Variants in PDE3B observed in about 807,000 individuals in gnomAD.
PDE3B encodes the protein cGMP-inhibited 3',5'-cyclic phosphodiesterase 3B.
In PDE3B, 66 loss-of-function variants were observed where a neutral mutation model predicts 116.8. That is an observed-to-expected ratio of 0.56 (90% CI 0.46 to 0.69). The LOEUF (loss-of-function observed/expected upper bound fraction) is 0.69, where lower values mean the gene tolerates loss of function less well. PDE3B is among the 30% of genes least tolerant of loss of function. The probability of loss-of-function intolerance (pLI) is 0.00; values close to 1 mark genes in which losing one functional copy is unlikely to be tolerated. For missense variants in PDE3B, 1,384 were observed against 1,368.1 expected (o/e 1.01, Z -0.18); for synonymous variants, 595 against 533.6 (o/e 1.12, Z -1.59).
intron 1 of PDE3B, among the ~76,000 whole-genome samples, chr11:14,744,003 T>G (rs762519803): frequency 5.9e-5 from 9 of 152,240 alleles, no homozygotes; most frequent in Non-Finnish European, 1.2e-4. Context: ...GCTGTTGCTA[T>G]TCGACCATCT....
intron 1 of PDE3B, among the ~76,000 whole-genome samples, chr11:14,709,821 T>C (rs1855648536): frequency 6.6e-6 from 1 of 152,232 alleles, no homozygotes; most frequent in Non-Finnish European, 1.5e-5. Context: ...TTTTCAGTTA[T>C]ATATGAAAAT....
intron 12 of PDE3B, among the ~76,000 whole-genome samples, chr11:14,856,868 A>G (rs1362960786): frequency 3.3e-5 from 5 of 151,904 alleles, no homozygotes; most frequent in Admixed American, 2.6e-4. Flanking sequence ...AAAAAAAAAA[A>G]AGTGCCTTCT....
intron 1 of PDE3B, among the ~76,000 whole-genome samples, chr11:14,678,263 T>G (rs1854592010): frequency 6.6e-6 from 1 of 152,200 alleles, no homozygotes; most frequent in African/African-American, 2.4e-5. Flanking sequence ...AGGTTTTTTT[T>G]TTCTAGTTGT....
chr11:14,724,072 T>G (rs1856206853), intron 1 of PDE3B, among the ~76,000 whole-genome samples: 1 of 152,182 alleles, frequency 6.6e-6, no homozygotes, highest in African/African-American at 2.4e-5. Flanking sequence ...GGGAGACTCT[T>G]AGGAAGCTGT....
At chr11:14,819,258 C>G in intron 7 of PDE3B, 49 bp downstream of exon 7, 1 of 1,103,630 alleles carries the variant, frequency 9.1e-7, no homozygotes, top group South Asian at 1.4e-5. Flanking sequence ...AAATTTCTTA[C>G]AATGATTTTT....
intron 2 of PDE3B, among the ~76,000 whole-genome samples, chr11:14,776,873 C>G (rs1857803298): frequency 1.3e-5 from 2 of 151,924 alleles, no homozygotes; most frequent in South Asian, 4.2e-4. Flanking sequence ...AATCACCCAT[C>G]ATACCAAAAC....
chr11:14,810,575 C>T (rs1590164351), intron 5 of PDE3B, among the ~76,000 whole-genome samples: 3 of 151,806 alleles, frequency 2.0e-5, no homozygotes, highest in Non-Finnish European at 4.4e-5. Context: ...CATTGTTGGA[C>T]ATTTGGGTCG....
At chr11:14,712,606 C>T (rs939283230) in intron 1 of PDE3B, among the ~76,000 whole-genome samples, 3 of 150,770 alleles carry the variant, frequency 2.0e-5, no homozygotes, top group Non-Finnish European at 2.9e-5. Flanking sequence ...TCCCGAGTAG[C>T]TCGGCTTACA....
At chr11:14,665,701 A>T (rs921266465) in intron 1 of PDE3B, among the ~76,000 whole-genome samples, 2 of 152,242 alleles carry the variant, frequency 1.3e-5, no homozygotes, top group Non-Finnish European at 2.9e-5. Context: ...CCTGGAATAA[A>T]ATACCTAGGA....
At chr11:14,765,165 A>C (rs1040791053) in intron 1 of PDE3B, among the ~76,000 whole-genome samples, 3 of 152,072 alleles carry the variant, frequency 2.0e-5, no homozygotes, top group Non-Finnish European at 4.4e-5. Context: ...GTAAAATGTC[A>C]TCAAGAAATG....
chr11:14,800,409 G>T (rs1019791620), intron 4 of PDE3B, among the ~76,000 whole-genome samples: 5 of 152,100 alleles, frequency 3.3e-5, no homozygotes, highest in African/African-American at 1.2e-4. Flanking sequence ...AGGTGGCAGT[G>T]AGCTGAGATT....
At chr11:14,715,544 T>TAA (rs1414838375) in intron 1 of PDE3B, among the ~76,000 whole-genome samples, 1 of 152,240 alleles carries the variant, frequency 6.6e-6, no homozygotes, top group Non-Finnish European at 1.5e-5. Context: ...AGTTCACTCA[T>TAA]GATTTGGCTC....
At chr11:14,812,682 A>G (rs2133944170) in intron 5 of PDE3B, among the ~76,000 whole-genome samples, 1 of 152,384 alleles carries the variant, frequency 6.6e-6, no homozygotes, top group Non-Finnish European at 1.5e-5. Flanking sequence ...CCTGTAGTTA[A>G]AAACCTTCTT....
the PDE3B span, chr11:14,878,273 T>G: frequency 6.2e-7 from 1 of 1,613,088 alleles, no homozygotes; most frequent in Non-Finnish European, 8.5e-7. Context: ...CCGAGCCAAG[T>G]GTTCTCCAAG....
intron 1 of PDE3B, among the ~76,000 whole-genome samples, chr11:14,717,550 C>G (rs949199132): frequency 1.4e-5 from 1 of 72,718 alleles, no homozygotes; most frequent in Admixed American, 1.6e-4. Context: ...AAGGGAAGCC[C>G]ATCAGACTAA....
chr11:14,645,694 GTTTAAAC>G (rs559702818), intron 1 of PDE3B, among the ~76,000 whole-genome samples: 121 of 152,120 alleles, frequency 8.0e-4, no homozygotes, highest in African/African-American at 2.8e-3. Flanking sequence ...TGTTTTAACA[GTTTAAAC>G]TTTAAACTTG....
intron 7 of PDE3B, among the ~76,000 whole-genome samples, chr11:14,820,679 A>G (rs1859490430): frequency 6.6e-6 from 1 of 152,140 alleles, no homozygotes; most frequent in Non-Finnish European, 1.5e-5. Context: ...TAATTAGGTC[A>G]TGAAGGTGGA....
At chr11:14,670,643 A>T (rs1854336085) in intron 1 of PDE3B, among the ~76,000 whole-genome samples, 1 of 152,188 alleles carries the variant, frequency 6.6e-6, no homozygotes, top group Non-Finnish European at 1.5e-5. Flanking sequence ...GATGTTTTAA[A>T]GTATTAATGT....
intron 3 of PDE3B, among the ~76,000 whole-genome samples, chr11:14,788,311 A>C (rs1165349755): frequency 1.3e-5 from 2 of 151,998 alleles, no homozygotes; most frequent in Non-Finnish European, 2.9e-5. Flanking sequence ...CATTAAGAAC[A>C]AAGAAAGATC....
Sources: allele counts gnomAD v4.1 joint callset (sites outside exome capture counted in the v4.1 genomes callset), GRCh38; gene constraint gnomAD v4.1.1; transcripts MANE v1.5; gene names NCBI Gene and HGNC (gene_info 2026-07-23, HGNC 2026-07-21).